SLC22A4: variants seen among roughly 807,000 people sequenced by gnomAD.
SLC22A4 encodes solute carrier family 22 member 4.
A neutral mutation model predicts 56.6 loss-of-function variants in SLC22A4; 39 were observed. That is an observed-to-expected ratio of 0.69 (90% CI 0.53 to 0.90). The LOEUF (loss-of-function observed/expected upper bound fraction) is 0.90. Ranked by LOEUF, SLC22A4 falls within the 40% of genes least tolerant of loss-of-function variation. The probability of loss-of-function intolerance (pLI) is 0.00; values close to 1 mark genes in which losing one functional copy is unlikely to be tolerated. For missense variants in SLC22A4, 594 were observed against 696.5 expected (o/e 0.85, Z 1.66); for synonymous variants, 241 against 281.4 (o/e 0.86, Z 1.44).
chr5:132,343,851 A>G lies in SLC22A4; in HGVS notation c.*16A>G, dbSNP rs1751289969. On this transcript the variant is annotated 3_prime_UTR_variant, in exon 10 of 10. Coordinates refer to ENST00000200652, the MANE Select transcript of SLC22A4 (RefSeq NM_003059.3). ...TGCATTCTGAAAAAATATCTACCCC[A>G]TTTGGTGAAGTGAAAAACAGAAAAA... 2 of 1,532,440 alleles carry G rather than the reference A, an allele frequency of 1.3e-6. No homozygotes were observed. Among genetic ancestry groups the G allele is most frequent in the East Asian group, 2.3e-5 (1 of 44,420 alleles). 94.9% of individuals were successfully genotyped at this position (1,532,440 alleles called of 1,614,324 possible). A position where few individuals can be genotyped will look rare whatever the true frequency, so the allele number is the denominator to read the frequency against.
intron 8 of SLC22A4, among the ~76,000 whole-genome samples, chr5:132,338,534 C>T (rs1047440232): frequency 2.6e-5 from 4 of 152,146 alleles, no homozygotes; most frequent in South Asian, 2.1e-4. Context: ...GGGAGTGCTA[C>T]GGGAGACTGG....
At chr5:132,336,236 C>T (rs561727231) in intron 8 of SLC22A4, among the ~76,000 whole-genome samples, 1 of 152,042 alleles carries the variant, frequency 6.6e-6, no homozygotes, top group African/African-American at 2.4e-5. Flanking sequence ...TTTAAACACA[C>T]AAGCAACTCA....
At chr5:132,325,052 G>A (rs141989831) in intron 4 of SLC22A4, among the ~76,000 whole-genome samples, 4 of 152,268 alleles carry the variant, frequency 2.6e-5, no homozygotes, top group Admixed American at 1.3e-4. Flanking sequence ...GTGTATAGGC[G>A]GTGGGGATGG....
intron 1 of SLC22A4, among the ~76,000 whole-genome samples, chr5:132,301,354 A>C (rs1490567083): frequency 6.6e-6 from 1 of 152,216 alleles, no homozygotes; most frequent in Non-Finnish European, 1.5e-5. Flanking sequence ...CCTTCTTTGC[A>C]GGCCACCAGT....
intron 8 of SLC22A4, among the ~76,000 whole-genome samples, chr5:132,337,210 A>T (rs1237616261): frequency 1.3e-5 from 2 of 152,074 alleles, no homozygotes; most frequent in Non-Finnish European, 2.9e-5. Context: ...TGCCAATTAT[A>T]ATCTAATTAT....
intron 1 of SLC22A4, among the ~76,000 whole-genome samples, chr5:132,307,385 G>A (rs1166437383): frequency 6.6e-6 from 1 of 152,168 alleles, no homozygotes; most frequent in East Asian, 1.9e-4. Context: ...TCATCTCTGG[G>A]ATTGAATTCC....
intron 4 of SLC22A4, chr5:132,324,487 G>A (rs1432860969): frequency 2.1e-6 from 1 of 470,764 alleles, no homozygotes; most frequent in Non-Finnish European, 4.4e-6. Context: ...GCTCCTGGCT[G>A]TGGGCATACT....
chr5:132,334,864 G>C lies in SLC22A4; in HGVS notation c.1193G>C (p.Arg398Pro). 3.1e-6 allele frequency: 5 copies of C among 1,613,946 alleles called. No individual in the cohort carries two copies. The highest frequency in any genetic ancestry group is 4.2e-6 in the Non-Finnish European group (5 of 1,179,850). ...AWLLLRTLPR[R>P]YIIAAVLFWG... ...CTGCTATTGCGAACCCTGCCCAGGCGTTATATCATAGCTGCAGTACTGTTC... is the reference window on the plus strand; with the variant it reads ...CTGCTATTGCGAACCCTGCCCAGGCCTTATATCATAGCTGCAGTACTGTTC... Residue 398 changes from arginine to proline, a missense_variant, in exon 7 of 10, where the codon CGT becomes CCT. By Grantham distance (103) the Arg-to-Pro change is moderately radical (BLOSUM62 -2). Transcript: ENST00000200652.
intron 4 of SLC22A4, among the ~76,000 whole-genome samples, chr5:132,323,695 T>A (rs1297116306): frequency 1.3e-5 from 2 of 152,194 alleles, no homozygotes; most frequent in Non-Finnish European, 2.9e-5. Context: ...ATGAGAGTAA[T>A]TATCATCATC....
chr5:132,296,513 T>A (rs560801009), intron 1 of SLC22A4, among the ~76,000 whole-genome samples: 10 of 152,310 alleles, frequency 6.6e-5, no homozygotes, highest in African/African-American at 2.4e-4. Context: ...CAGCCAGGCG[T>A]GGTGGTTGTC....
At chr5:132,338,910 A>C (rs923584626) in intron 8 of SLC22A4, among the ~76,000 whole-genome samples, 1 of 152,262 alleles carries the variant, frequency 6.6e-6, no homozygotes, top group African/African-American at 2.4e-5. Context: ...CAGCTTATGA[A>C]GATGACGGGA....
intron 4 of SLC22A4, 34 bp from the exon 5 acceptor site, chr5:132,327,243 T>A (rs1332247793): frequency 2.7e-6 from 4 of 1,480,138 alleles, no homozygotes; most frequent in Non-Finnish European, 3.7e-6. Context: ...CCTGCTGTTG[T>A]GAAAAATTAT....
intron 8 of SLC22A4, among the ~76,000 whole-genome samples, chr5:132,336,272 CCAGCA>C (rs2126739561): frequency 6.6e-6 from 1 of 152,212 alleles, no homozygotes; most frequent in East Asian, 1.9e-4. Context: ...GCATGTAATC[CCAGCA>C]CTTTGGGAGG....
At chr5:132,314,592 C>T (rs117065080) in intron 3 of SLC22A4, among the ~76,000 whole-genome samples, 1 of 152,274 alleles carries the variant, frequency 6.6e-6, no homozygotes, top group East Asian at 1.9e-4. Context: ...CAGTACCATC[C>T]CAATTTGTCC....
At chr5:132,342,510 T>C (rs1751250238) in intron 9 of SLC22A4, among the ~76,000 whole-genome samples, 1 of 152,164 alleles carries the variant, frequency 6.6e-6, no homozygotes, top group Non-Finnish European at 1.5e-5. Context: ...ATTTTGACAA[T>C]ACCTAAATTT....
chr5:132,319,405 A>T (rs1750467260), intron 3 of SLC22A4, among the ~76,000 whole-genome samples: 1 of 152,144 alleles, frequency 6.6e-6, no homozygotes, highest in Non-Finnish European at 1.5e-5. Flanking sequence ...CAGTTGAAGA[A>T]CTGCTTTATA....
At chr5:132,337,152 G>A (rs774165568) in intron 8 of SLC22A4, among the ~76,000 whole-genome samples, 22 of 151,850 alleles carry the variant, frequency 1.4e-4, no homozygotes, top group African/African-American at 5.3e-4. Flanking sequence ...AGCAAAGAGA[G>A]CCATTAAAAA....
At chr5:132,328,934 C>T (rs71585540) in intron 5 of SLC22A4, among the ~76,000 whole-genome samples, 8,410 of 29,488 alleles carry the variant, frequency 0.29, 357 homozygotes, top group East Asian at 0.4. Flanking sequence ...TATATATACA[C>T]ACACACACTT....
intron 8 of SLC22A4, 67 bp from the exon 9 acceptor site, chr5:132,340,498 A>G (rs1751180191): frequency 6.8e-7 from 1 of 1,465,490 alleles, no homozygotes. Context: ...ACTTCACAAA[A>G]TGATGCTCAA....
Sources: gnomAD v4.1 joint callset for allele counts (sites outside exome capture counted in the v4.1 genomes callset) on GRCh38, gnomAD v4.1.1 for gene constraint, MANE v1.5 for transcripts, NCBI Gene and HGNC (gene_info 2026-07-23, HGNC 2026-07-21) for gene names.